The following RIMBP2 variants were observed in gnomAD, a reference collection of about 807,000 sequenced individuals.
RIMBP2 encodes the protein RIMS-binding protein 2.
In RIMBP2, 48 loss-of-function variants were observed where a neutral mutation model predicts 118.6. The observed-to-expected ratio is 0.40, with a 90% CI of 0.32 to 0.51. RIMBP2 has a LOEUF of 0.51. RIMBP2 is among the 20% of genes least tolerant of loss of function. RIMBP2 has a pLI of 0.41. For synonymous variants in RIMBP2, 762 were observed against 742.9 expected, an observed-to-expected ratio of 1.03 and a Z score of -0.42; for missense variants, 1,551 against 1,768.3, an observed-to-expected ratio of 0.88 and a Z score of 2.20.
intron 5 of RIMBP2, 107 bp downstream of exon 5, chr12:130,478,805 G>A (rs531704907): frequency 2.1e-5 from 15 of 721,028 alleles, no homozygotes; most frequent in East Asian, 2.0e-4. Flanking sequence ...GAGAGGGAGC[G>A]GCCTGGGAGC....
intron 21 of RIMBP2, among the ~76,000 whole-genome samples, chr12:130,402,228 G>A (rs906144372): frequency 2.0e-5 from 3 of 152,152 alleles, no homozygotes; most frequent in Non-Finnish European, 2.9e-5. Flanking sequence ...GTTTGGAGAG[G>A]CTCAGAGGTC....
chr12:130,402,579 TC>T (rs1485358532), intron 21 of RIMBP2, among the ~76,000 whole-genome samples: 1 of 152,160 alleles, frequency 6.6e-6, no homozygotes, highest in African/African-American at 2.4e-5. Context: ...CCTTGACCTT[TC>T]CCTCCTCAGT....
chr12:130,677,806 A>G (rs1248274903), intron 1 of RIMBP2, among the ~76,000 whole-genome samples: 1 of 152,110 alleles, frequency 6.6e-6, no homozygotes, highest in Non-Finnish European at 1.5e-5. Flanking sequence ...GTCCCCCCAA[A>G]ATCATTCTTT....
At chr12:130,600,583 G>C (rs188416985) in intron 2 of RIMBP2, among the ~76,000 whole-genome samples, 4 of 151,700 alleles carry the variant, frequency 2.6e-5, no homozygotes, top group Admixed American at 6.6e-5. Flanking sequence ...CTCCCCTCTG[G>C]CTGGAAGGAT....
At chr12:130,650,424 C>T (rs903942501) in intron 1 of RIMBP2, among the ~76,000 whole-genome samples, 8 of 152,252 alleles carry the variant, frequency 5.3e-5, no homozygotes, top group Admixed American at 2.0e-4. Context: ...TCGTTGCTAC[C>T]ACTTTGCTAA....
At chr12:130,632,127 A>T (rs530617449) in intron 1 of RIMBP2, among the ~76,000 whole-genome samples, 2 of 152,358 alleles carry the variant, frequency 1.3e-5, no homozygotes, top group African/African-American at 4.8e-5. Flanking sequence ...TTCAGCAAAA[A>T]ATAAAAGAGA....
intron 18 of RIMBP2, among the ~76,000 whole-genome samples, chr12:130,413,122 G>C (rs772379465): frequency 3.3e-5 from 5 of 152,112 alleles, no homozygotes; most frequent in Non-Finnish European, 7.4e-5. Flanking sequence ...TACCAAGAAG[G>C]ACCAGGTAGG....
chr12:130,592,682 CA>C (rs10676690), intron 2 of RIMBP2, among the ~76,000 whole-genome samples: 28 of 144,110 alleles, frequency 1.9e-4, no homozygotes, highest in South Asian at 2.2e-4. Flanking sequence ...GAGACTCTGT[CA>C]AAAAAAAAAA....
At position 130,535,734 on chromosome 12, in the gene RIMBP2, TATAC is replaced by T. The variant is rs1442937505; in HGVS notation, c.-216-17821_-216-17818del. On this transcript the variant is annotated intron_variant, in intron 2 of 22. Transcript: ENST00000690449. ...ATACATATACATATATATACATATA[TATAC>T]ATATATATATATATATATATATATA... 4.9e-3 allele frequency among the ~76,000 whole-genome samples: 83 copies of T among 16,810 alleles called. 1 individual carries two copies. The South Asian group carries it at 0.13, about 26-fold the overall frequency. The allele number at this position is 16,810 out of a possible 152,430, so 11.0% of individuals were successfully genotyped here.
At chr12:130,593,242 A>G (rs975353067) in intron 2 of RIMBP2, among the ~76,000 whole-genome samples, 1 of 152,160 alleles carries the variant, frequency 6.6e-6, no homozygotes, top group Non-Finnish European at 1.5e-5. Flanking sequence ...AGCCGCCCTC[A>G]TCATCACAGC....
intron 6 of RIMBP2, among the ~76,000 whole-genome samples, chr12:130,458,691 T>C (rs2079675605): frequency 6.6e-6 from 1 of 151,984 alleles, no homozygotes; most frequent in Non-Finnish European, 1.5e-5. Context: ...CATTCTAACA[T>C]GTGACAGGGA....
intron 2 of RIMBP2, among the ~76,000 whole-genome samples, chr12:130,533,431 A>C (rs2053686000): frequency 6.6e-6 from 1 of 152,228 alleles, no homozygotes; most frequent in Admixed American, 6.5e-5. Context: ...ATATGGACAA[A>C]AGGGAACTCT....
At chr12:130,410,400 T>C (rs1230500737) in intron 19 of RIMBP2, among the ~76,000 whole-genome samples, 1 of 152,356 alleles carries the variant, frequency 6.6e-6, no homozygotes, top group Admixed American at 6.5e-5. Flanking sequence ...CTTTTTCCTT[T>C]TATGTATCAT....
intron 2 of RIMBP2, among the ~76,000 whole-genome samples, chr12:130,562,480 G>C (rs140293343): frequency 6.6e-6 from 1 of 152,324 alleles, no homozygotes; most frequent in Non-Finnish European, 1.5e-5. Context: ...AAGTGACATG[G>C]GTTCAGCAGG....
chr12:130,406,485 T>G (rs1335774090), intron 20 of RIMBP2, among the ~76,000 whole-genome samples: 1 of 152,186 alleles, frequency 6.6e-6, no homozygotes, highest in African/African-American at 2.4e-5. Flanking sequence ...TTGGCCAAAA[T>G]TCAAGATTAT....
rs1038931040 is a variant in RIMBP2, at chr12:130,424,757, C to T, written c.2514G>A (p.Ala838=). ...GCCCACAGCACTCTCCGTCCTCTTC[C>T]GCTACTTCGGGGATACTGAAAAGTC... The part of the protein sequence containing the change: ...RKRLFSIPEV[A]EEDGECCGLL... Residue 838 remains alanine (A), a synonymous_variant, in exon 16 of 23, where the codon GCG becomes GCA. Transcript: ENST00000690449. The surrounding 1 kb of genome is among the most constrained non-coding windows in gnomAD (Gnocchi z 9.8). 29 of 1,232,290 alleles carry T rather than the reference C, an allele frequency of 2.4e-5. No homozygotes were observed. The highest frequency in any genetic ancestry group is 6.3e-5 in the East Asian group (2 of 31,698). 76.3% of individuals were successfully genotyped at this position (1,232,290 alleles called of 1,614,324 possible).
intron 2 of RIMBP2, among the ~76,000 whole-genome samples, chr12:130,577,345 C>T (rs1298456831): frequency 6.6e-6 from 1 of 152,192 alleles, no homozygotes; most frequent in East Asian, 1.9e-4. Flanking sequence ...CCTTCTCACA[C>T]TGCTTTAAAG....
At chr12:130,454,595 G>C (rs557608475) in intron 7 of RIMBP2, among the ~76,000 whole-genome samples, 7 of 152,266 alleles carry the variant, frequency 4.6e-5, no homozygotes, top group Admixed American at 1.3e-4. Context: ...TCATTAGGAG[G>C]GTGCGTCTTC....
At position 130,396,800 on chromosome 12, in the gene RIMBP2, C is replaced by G. The variant is rs2074107216; in HGVS notation, c.*561G>C. On this transcript the variant is annotated 3_prime_UTR_variant, in exon 23 of 23. Coordinates refer to ENST00000690449, the MANE Select transcript of RIMBP2 (RefSeq NM_001393629.1). ...GAAACTAGTATCTTAAAATGCACAG[C>G]CTGTACAACTTGATCTCAAACCACT... is the stretch of plus-strand genomic sequence containing the variant. 1 of 152,596 alleles carries G rather than the reference C, an allele frequency of 6.6e-6. No individual in the cohort carries two copies. 9.5% of individuals were successfully genotyped at this position (152,596 alleles called of 1,614,324 possible). A position where few individuals can be genotyped will look rare whatever the true frequency, so the allele number is the denominator to read the frequency against.
Sources: gnomAD v4.1 joint callset for allele counts (sites outside exome capture counted in the v4.1 genomes callset) on GRCh38, gnomAD v4.1.1 for gene constraint, Gnocchi (gnomAD v3.1) non-coding constraint, MANE v1.5 for transcripts, NCBI Gene and HGNC (gene_info 2026-07-23, HGNC 2026-07-21) for gene names.